Variants in ITIH5 observed in about 807,000 individuals in gnomAD.
The protein encoded by ITIH5 is inter-alpha-trypsin inhibitor heavy chain 5, also known as inter-alpha-trypsin inhibitor heavy chain H5.
ITIH5 carries 65 observed loss-of-function variants against 77.5 expected under a neutral mutation model. That is an observed-to-expected ratio of 0.84 (90% CI 0.69 to 1.03). The LOEUF is 1.03. Among genes scored for constraint, ITIH5 ranks in the 50% least tolerant of loss-of-function variants. The probability of loss-of-function intolerance (pLI) is 0.00; values close to 1 mark genes in which losing one functional copy is unlikely to be tolerated. For missense variants in ITIH5, 1,208 were observed against 1,213.1 expected (o/e 1.00, Z 0.06); for synonymous variants, 525 against 494.3 (o/e 1.06, Z -0.82).
At chr10:7,589,453 T>C (rs1467008441) in intron 7 of ITIH5, among the ~76,000 whole-genome samples, 1 of 151,890 alleles carries the variant, frequency 6.6e-6, no homozygotes, top group African/African-American at 2.4e-5. Context: ...AGCGAGACTC[T>C]ATCTCAAAAA....
At chr10:7,655,450 A>G (rs1406571593) in intron 2 of ITIH5, among the ~76,000 whole-genome samples, 181 bp downstream of exon 2, 1 of 149,230 alleles carries the variant, frequency 6.7e-6, no homozygotes, top group Non-Finnish European at 1.5e-5. Flanking sequence ...CAGAAAAAAG[A>G]AAAAAAAAAT....
intron 1 of ITIH5, among the ~76,000 whole-genome samples, chr10:7,661,688 T>G (rs952199135): frequency 4.6e-5 from 7 of 152,164 alleles, no homozygotes; most frequent in African/African-American, 1.7e-4. Flanking sequence ...CCAAACAATT[T>G]CCAGAAAGAT....
At chr10:7,564,190 C>T (rs1832095297) in intron 13 of ITIH5, among the ~76,000 whole-genome samples, 1 of 152,202 alleles carries the variant, frequency 6.6e-6, no homozygotes, top group African/African-American at 2.4e-5. Context: ...ATTTTAATTC[C>T]TCATTCATTT....
chr10:7,598,030 C>G (rs1281869710), intron 7 of ITIH5, among the ~76,000 whole-genome samples: 2 of 151,974 alleles, frequency 1.3e-5, no homozygotes, highest in African/African-American at 4.8e-5. Flanking sequence ...AACAGATTGG[C>G]TCCCAAGAAG....
In ITIH5 at chr10:7,586,147, G is replaced by C. The variant is rs3841465; in HGVS notation, c.940-78C>G. ...GTCCCCTGTTCTAGAAACCGCCCCC[G>C]CCCCCCAGGAAAAATGTCAGGGTTC... On this transcript the variant is annotated intron_variant, in intron 7 of 13. Transcript: ENST00000397146. The C allele has an allele frequency of 5.8e-3, 4,205 of 725,316 alleles. 118 individuals are homozygous for C. In the African/African-American group the frequency reaches 0.12, roughly 21 times the overall value. The allele number at this position is 725,316 out of a possible 1,614,324, so 44.9% of individuals were successfully genotyped here.
intron 1 of ITIH5, among the ~76,000 whole-genome samples, chr10:7,660,942 A>G (rs1474520192): frequency 6.6e-6 from 1 of 152,250 alleles, no homozygotes; most frequent in East Asian, 1.9e-4. Context: ...GGACAGGTAC[A>G]GGTTGGTGGC....
chr10:7,565,577 A>G, intron 13 of ITIH5, among the ~76,000 whole-genome samples: 1 of 149,040 alleles, frequency 6.7e-6, no homozygotes, highest in East Asian at 1.9e-4. Flanking sequence ...GACGGTATAT[A>G]TAATACATAT....
At chr10:7,645,497 C>A (rs1465856817) in intron 2 of ITIH5, among the ~76,000 whole-genome samples, 1 of 152,136 alleles carries the variant, frequency 6.6e-6, no homozygotes, top group African/African-American at 2.4e-5. Context: ...CATTCTAATG[C>A]CTGATCAAGC....
At chr10:7,629,405 G>T (rs1296990955) in intron 5 of ITIH5, among the ~76,000 whole-genome samples, 1 of 103,362 alleles carries the variant, frequency 9.7e-6, no homozygotes, top group African/African-American at 2.8e-5. Flanking sequence ...ATGTTGTAGA[G>T]TGTGTCCATG....
rs779842688 is a variant in ITIH5, at chr10:7,586,028, G to A, written c.981C>T (p.Pro327=). 44 of 1,613,804 alleles carry A rather than the reference G, an allele frequency of 2.7e-5. No individual in the cohort carries two copies. Among genetic ancestry groups the A allele is most frequent in the Non-Finnish European group, 3.3e-5 (39 of 1,179,982 alleles). ...ALFTILHDLR[P]QDRFSIIGFS... is the part of the protein sequence containing the mutation. The stretch of plus-strand genomic sequence containing the variant: ...ATCCAATGATACTGAAACGGTCCTG[G>A]GGTCGGAGGTCATGGAGAATTGTGA... Residue 327 remains proline (P), a synonymous_variant, in exon 8 of 14, where the codon CCC becomes CCT. Transcript: ENST00000397146.
chr10:7,567,262 T>C (rs1400752638), intron 12 of ITIH5, among the ~76,000 whole-genome samples: 1 of 151,938 alleles, frequency 6.6e-6, no homozygotes, highest in Non-Finnish European at 1.5e-5. Context: ...AACTCTTATA[T>C]GACCCTGATA....
chr10:7,603,010 ACAGCACTTC>A (rs1341247365), intron 7 of ITIH5, among the ~76,000 whole-genome samples: 1 of 152,032 alleles, frequency 6.6e-6, no homozygotes, highest in Non-Finnish European at 1.5e-5. Context: ...TTACATTCCT[ACAGCACTTC>A]CAGCTGCATG....
At position 7,627,827 on chromosome 10, in the gene ITIH5, CTTTTTTTTTTT is replaced by C. The variant is rs869139058; in HGVS notation, c.652+9390_652+9400del. On this transcript the variant is annotated intron_variant, in intron 5 of 13. Coordinates refer to ENST00000397146, the MANE Select transcript of ITIH5 (RefSeq NM_030569.7). ...GAATCTCACAGAACATGAAATTAAC[CTTTTTTTTTTT>C]TTTTTTTTTTTTTTTTTTGAGACAG... Among the ~76,000 whole-genome samples, 15 of 90,838 alleles carry C rather than the reference CTTTTTTTTTTT, an allele frequency of 1.7e-4. 1 individual carries two copies. The East Asian group carries it at 1.8e-3, about 11-fold the overall frequency. The allele number at this position is 90,838 out of a possible 152,430, so 59.6% of individuals were successfully genotyped here. A position where few individuals can be genotyped will look rare whatever the true frequency, so the allele number is the denominator to read the frequency against.
intron 2 of ITIH5, among the ~76,000 whole-genome samples, chr10:7,646,308 G>A (rs1380419107): frequency 6.6e-6 from 1 of 152,078 alleles, no homozygotes; most frequent in Non-Finnish European, 1.5e-5. Flanking sequence ...ATATGCACAT[G>A]GTAAAAACTT....
intron 7 of ITIH5, among the ~76,000 whole-genome samples, chr10:7,601,182 CTG>C (rs1368801646): frequency 6.6e-6 from 1 of 152,166 alleles, no homozygotes; most frequent in Non-Finnish European, 1.5e-5. Flanking sequence ...ATTTGGCAAA[CTG>C]TAGAAATGTG....
At chr10:7,624,857 G>A (rs11596141) in intron 5 of ITIH5, among the ~76,000 whole-genome samples, 19,337 of 53,350 alleles carry the variant, frequency 0.36, 4,346 homozygotes, top group East Asian at 0.52. Flanking sequence ...ATATATATGT[G>A]TATATATGTA....
At chr10:7,563,436 G>T in intron 13 of ITIH5, 52 bp from the exon 14 acceptor site, 1 of 1,522,332 alleles carries the variant, frequency 6.6e-7, no homozygotes. Flanking sequence ...GAAACCTCGT[G>T]CTGAACTCCA....
intron 9 of ITIH5, 94 bp downstream of exon 9, chr10:7,579,660 TG>T: frequency 8.0e-7 from 1 of 1,251,830 alleles, no homozygotes. Flanking sequence ...GATGCAAGGC[TG>T]GGGTGCAGCA....
At chr10:7,607,755 A>G (rs1028408912) in intron 7 of ITIH5, among the ~76,000 whole-genome samples, 45 of 152,356 alleles carry the variant, frequency 3.0e-4, no homozygotes, top group African/African-American at 1.1e-3. Flanking sequence ...CGGAGGTTGC[A>G]GTGAGCTGAG....
Sources: gnomAD v4.1 joint callset for allele counts (sites outside exome capture counted in the v4.1 genomes callset) on GRCh38, gnomAD v4.1.1 for gene constraint, MANE v1.5 for transcripts, NCBI Gene and HGNC (gene_info 2026-07-23, HGNC 2026-07-21) for gene names.